SORCS2: variants seen among roughly 807,000 people sequenced by gnomAD.
SORCS2 encodes the protein VPS10 domain-containing receptor SorCS2.
A neutral mutation model predicts 141.6 loss-of-function variants in SORCS2; 100 were observed. The ratio of observed to expected loss-of-function variants is 0.71; its 90% CI spans 0.60 to 0.83. The LOEUF is 0.83. Among genes scored for constraint, SORCS2 ranks in the 40% least tolerant of loss-of-function variants. The pLI is 0.00. For synonymous variants in SORCS2, 789 were observed against 676.9 expected, an observed-to-expected ratio of 1.17 and a Z score of -2.57; for missense variants, 1,646 against 1,560.2, an observed-to-expected ratio of 1.05 and a Z score of -0.93.
intron 2 of SORCS2, chr4:7,434,375 C>G: frequency 2.5e-6 from 4 of 1,607,622 alleles, no homozygotes; most frequent in Non-Finnish European, 3.4e-6. Flanking sequence ...GTAAGGGGCC[C>G]ATTGGCCATG....
In SORCS2 at chr4:7,428,709, A is replaced by T. The variant is rs1726622103; in HGVS notation, c.548+32354A>T. Among the ~76,000 whole-genome samples the T allele has an allele frequency of 3.3e-5, 5 of 152,254 alleles. No homozygotes were observed. In the South Asian group the frequency reaches 1.0e-3, roughly 32 times the overall value. ...GCCAGGCCGGGGTGGCTGGAGAGGA[A>T]AGAACAAGGGGAGGGGCTGGGCTGC... On this transcript the variant is annotated intron_variant, in intron 2 of 26. Transcript: ENST00000507866.
chr4:7,447,564 G>T (rs1192197877), intron 2 of SORCS2, among the ~76,000 whole-genome samples: 1 of 151,700 alleles, frequency 6.6e-6, no homozygotes, highest in Non-Finnish European at 1.5e-5. Flanking sequence ...CTTCTATTCT[G>T]GAAAGGGTTC....
chr4:7,371,207 T>C (rs1386631072), intron 1 of SORCS2, among the ~76,000 whole-genome samples: 1 of 152,186 alleles, frequency 6.6e-6, no homozygotes, highest in Non-Finnish European at 1.5e-5. Context: ...CGAAGGTCTA[T>C]GGGGATCGTG....
At chr4:7,465,230 T>C (rs1402285288) in intron 2 of SORCS2, among the ~76,000 whole-genome samples, 1 of 152,242 alleles carries the variant, frequency 6.6e-6, no homozygotes, top group Non-Finnish European at 1.5e-5. Flanking sequence ...TTCTCCTGCA[T>C]TTAGCCCTCA....
At chr4:7,688,078 A>G (rs1339454758) in intron 10 of SORCS2, among the ~76,000 whole-genome samples, 2 of 152,182 alleles carry the variant, frequency 1.3e-5, no homozygotes, top group African/African-American at 2.4e-5. Flanking sequence ...TCAATATCCA[A>G]TTTCCTGAAT....
intron 1 of SORCS2, among the ~76,000 whole-genome samples, chr4:7,353,659 C>T (rs764176208): frequency 3.9e-5 from 6 of 152,138 alleles, no homozygotes; most frequent in African/African-American, 9.7e-5. Flanking sequence ...ACAGGTGAAA[C>T]GATGGCCCCC....
At chr4:7,715,144 C>T (rs770102947) in intron 16 of SORCS2, 39 bp from the exon 17 acceptor site, 7 of 1,607,852 alleles carry the variant, frequency 4.4e-6, no homozygotes, top group Non-Finnish European at 5.1e-6. Context: ...CGGTTCCCAC[C>T]TGTGCCCGTC....
At chr4:7,251,042 C>G (rs890961750) in intron 1 of SORCS2, among the ~76,000 whole-genome samples, 2 of 152,244 alleles carry the variant, frequency 1.3e-5, no homozygotes, top group East Asian at 3.8e-4. Context: ...TGGGCTAAGA[C>G]AGAGCTCTGT....
At chr4:7,519,509 A>T (rs1049603365) in intron 2 of SORCS2, among the ~76,000 whole-genome samples, 6 of 152,222 alleles carry the variant, frequency 3.9e-5, no homozygotes, top group African/African-American at 1.4e-4. Flanking sequence ...AATGGGGATT[A>T]AAGAAGCAAC....
At chr4:7,510,229 C>G (rs1028339775) in intron 2 of SORCS2, among the ~76,000 whole-genome samples, 3 of 152,220 alleles carry the variant, frequency 2.0e-5, no homozygotes, top group Non-Finnish European at 4.4e-5. Context: ...GTGGAGCGGC[C>G]GGCGGGGCTG....
chr4:7,550,575 G>A (rs56251358), intron 3 of SORCS2, among the ~76,000 whole-genome samples: 1 of 152,192 alleles, frequency 6.6e-6, no homozygotes, highest in South Asian at 2.1e-4. Context: ...AGCTGGCAGA[G>A]GGCAGGGGAC....
chr4:7,257,719 C>T (rs1001857434), intron 1 of SORCS2, among the ~76,000 whole-genome samples: 8 of 152,218 alleles, frequency 5.3e-5, no homozygotes, highest in South Asian at 2.1e-4. Flanking sequence ...ATGTGCTCTA[C>T]CCCATGTGTG....
chr4:7,724,916 G>GTGGTGGT (rs1560115072), intron 19 of SORCS2, among the ~76,000 whole-genome samples: 1 of 44,890 alleles, frequency 2.2e-5, no homozygotes, highest in African/African-American at 1.1e-4. Flanking sequence ...AGTATTGGTG[G>GTGGTGGT]GAATGGATGG....
intron 14 of SORCS2, among the ~76,000 whole-genome samples, chr4:7,705,170 G>C (rs948855609): frequency 1.1e-4 from 17 of 152,286 alleles, no homozygotes; most frequent in African/African-American, 3.8e-4. Context: ...GGCCTTGGGG[G>C]AGGAGGCCGG....
intron 3 of SORCS2, among the ~76,000 whole-genome samples, chr4:7,618,535 C>T (rs921116035): frequency 6.6e-6 from 1 of 152,198 alleles, no homozygotes; most frequent in Admixed American, 6.5e-5. Flanking sequence ...TCTCCGCCCC[C>T]AGCACGTTCT....
chr4:7,305,062 T>A (rs1357920393), intron 1 of SORCS2, among the ~76,000 whole-genome samples: 4 of 150,020 alleles, frequency 2.7e-5, no homozygotes, highest in Non-Finnish European at 5.9e-5. Flanking sequence ...AGACAGAGTC[T>A]GGCTCTTTTG....
At chr4:7,263,674 C>T (rs748341803) in intron 1 of SORCS2, among the ~76,000 whole-genome samples, 12 of 152,226 alleles carry the variant, frequency 7.9e-5, no homozygotes, top group Non-Finnish European at 1.6e-4. Context: ...GGGCACAGGG[C>T]TGTCCAGCAA....
At position 7,306,507 on chromosome 4, in the gene SORCS2, AGAGG is replaced by A. The variant is rs1717842379; in HGVS notation, c.481-89777_481-89774del. On this transcript the variant is annotated intron_variant, in intron 1 of 26. Transcript: ENST00000507866. ...TTGTTCTGAGGATGGCTGTTGGAGCAGAGGGAGTTCAGAACAGAGGGGCTGGGTT... is the reference window on the plus strand; with the variant it reads ...TTGTTCTGAGGATGGCTGTTGGAGCAGAGTTCAGAACAGAGGGGCTGGGTT... 2.0e-5 allele frequency among the ~76,000 whole-genome samples: 3 copies of A among 152,174 alleles called. No homozygotes were observed. The South Asian group carries it at 6.2e-4, about 31-fold the overall frequency.
intron 1 of SORCS2, among the ~76,000 whole-genome samples, chr4:7,339,285 G>A (rs16840082): frequency 0.012 from 1,786 of 152,330 alleles, 37 homozygotes; most frequent in African/African-American, 0.04. Context: ...CAGTATGAGT[G>A]ACAAGACAGC....
Sources: allele counts gnomAD v4.1 joint callset (sites outside exome capture counted in the v4.1 genomes callset), GRCh38; gene constraint gnomAD v4.1.1; transcripts MANE v1.5; gene names NCBI Gene and HGNC (gene_info 2026-07-23, HGNC 2026-07-21).